Variants in PCDH7 observed in about 807,000 individuals in gnomAD.
PCDH7 encodes the protein protocadherin-7.
PCDH7 carries 17 observed loss-of-function variants against 58.9 expected under a neutral mutation model. The ratio of observed to expected loss-of-function variants is 0.29; its 90% CI spans 0.20 to 0.43. The LOEUF (loss-of-function observed/expected upper bound fraction) is 0.43. Among genes scored for constraint, PCDH7 ranks in the 20% least tolerant of loss-of-function variants. The probability of loss-of-function intolerance (pLI) is 1.00; values close to 1 mark genes in which losing one functional copy is unlikely to be tolerated. For synonymous variants in PCDH7, 664 were observed against 616.4 expected (o/e 1.08, Z -1.14); for missense variants, 1,274 against 1,441.0 (o/e 0.88, Z 1.88).
intron 1 of PCDH7, among the ~76,000 whole-genome samples, chr4:30,834,915 ATATGTG>A (rs1262838256): frequency 1.7e-4 from 26 of 149,996 alleles, no homozygotes; most frequent in African/African-American, 5.5e-4. Flanking sequence ...ATATATATAT[ATATGTG>A]TATATATATA....
chr4:30,965,224 A>C (rs1208104275), intron 3 of PCDH7, among the ~76,000 whole-genome samples: 1 of 152,102 alleles, frequency 6.6e-6, no homozygotes, highest in Non-Finnish European at 1.5e-5. Context: ...AATGTGATAA[A>C]TGTTTTCTTC....
At chr4:30,738,490 T>C (rs1452581565) in intron 1 of PCDH7, among the ~76,000 whole-genome samples, 2 of 152,224 alleles carry the variant, frequency 1.3e-5, no homozygotes, top group African/African-American at 2.4e-5. Flanking sequence ...ATACATTGTT[T>C]AGCTTACTAT....
At chr4:30,882,500 T>C (rs1737115342) in intron 1 of PCDH7, among the ~76,000 whole-genome samples, 1 of 152,084 alleles carries the variant, frequency 6.6e-6, no homozygotes, top group Non-Finnish European at 1.5e-5. Context: ...TTCAAGCCTG[T>C]CTTATCCTCC....
intron 1 of PCDH7, among the ~76,000 whole-genome samples, chr4:30,838,753 A>C (rs980702236): frequency 8.5e-5 from 13 of 152,134 alleles, no homozygotes; most frequent in African/African-American, 2.9e-4. Context: ...TTTCTGTGGC[A>C]GAACAGTGAT....
At chr4:30,803,702 G>A (rs1413237092) in intron 1 of PCDH7, among the ~76,000 whole-genome samples, 1 of 152,210 alleles carries the variant, frequency 6.6e-6, no homozygotes, top group Non-Finnish European at 1.5e-5. Context: ...GTGTCCCAAA[G>A]TGCTGGGATT....
intron 3 of PCDH7, among the ~76,000 whole-genome samples, chr4:30,977,721 A>T (rs1750196533): frequency 6.6e-6 from 1 of 152,128 alleles, no homozygotes; most frequent in Non-Finnish European, 1.5e-5. Flanking sequence ...AGTGTGAGTC[A>T]TGGAGGTTTT....
chr4:30,839,569 G>A (rs1336742118), intron 1 of PCDH7, among the ~76,000 whole-genome samples: 1 of 152,112 alleles, frequency 6.6e-6, no homozygotes, highest in Non-Finnish European at 1.5e-5. Flanking sequence ...TGAGAGAAAT[G>A]TAACACTTAC....
intron 1 of PCDH7, among the ~76,000 whole-genome samples, chr4:30,894,522 CACA>C (rs1739121227): frequency 1.9e-5 from 1 of 51,700 alleles, no homozygotes; most frequent in African/African-American, 1.2e-4. Flanking sequence ...TATATACACA[CACA>C]CACACACACA....
intron 1 of PCDH7, among the ~76,000 whole-genome samples, chr4:30,837,899 TTATA>T (rs5857206): frequency 1.1e-4 from 16 of 146,118 alleles, no homozygotes; most frequent in East Asian, 4.0e-4. Flanking sequence ...TATGTATATT[TTATA>T]TATATATATA....
At chr4:31,121,730 T>G (rs551300721) in intron 3 of PCDH7, among the ~76,000 whole-genome samples, 15 of 152,230 alleles carry the variant, frequency 9.9e-5, no homozygotes, top group South Asian at 4.1e-4. Context: ...TCATAAAAAT[T>G]TATTTGTTTT....
chr4:31,103,134 T>C (rs1231987341), intron 3 of PCDH7, among the ~76,000 whole-genome samples: 1 of 152,234 alleles, frequency 6.6e-6, no homozygotes. Context: ...ACAAGACGTA[T>C]GACTAACTGC....
intron 3 of PCDH7, among the ~76,000 whole-genome samples, chr4:31,102,667 C>G (rs905471044): frequency 6.7e-6 from 1 of 149,354 alleles, no homozygotes; most frequent in African/African-American, 2.5e-5. Flanking sequence ...GAGCAAAACT[C>G]CATCTCAAAA....
intron 3 of PCDH7, among the ~76,000 whole-genome samples, chr4:31,134,385 G>A (rs571861601): frequency 3.9e-5 from 6 of 152,202 alleles, no homozygotes; most frequent in East Asian, 1.9e-4. Context: ...GCTAGAACCC[G>A]GGAGGTGGAG....
chr4:30,726,451 T>C (rs553115134), intron 1 of PCDH7, among the ~76,000 whole-genome samples: 10 of 152,192 alleles, frequency 6.6e-5, no homozygotes, highest in Non-Finnish European at 8.8e-5. Flanking sequence ...ATATGTTCTG[T>C]GCTGTTACTT....
At chr4:30,973,794 T>C (rs1749809590) in intron 3 of PCDH7, among the ~76,000 whole-genome samples, 1 of 151,820 alleles carries the variant, frequency 6.6e-6, no homozygotes, top group Admixed American at 6.6e-5. Flanking sequence ...TTGTAATCTA[T>C]CTCCATTTCG....
At chr4:31,113,192 T>C (rs979225886) in intron 3 of PCDH7, among the ~76,000 whole-genome samples, 2 of 152,200 alleles carry the variant, frequency 1.3e-5, no homozygotes, top group Admixed American at 6.5e-5. Flanking sequence ...AACTGCCTTT[T>C]ATTCCAATGT....
intron 3 of PCDH7, among the ~76,000 whole-genome samples, chr4:30,950,389 T>C (rs1160710550): frequency 2.6e-5 from 4 of 152,318 alleles, no homozygotes; most frequent in African/African-American, 2.4e-5. Flanking sequence ...TAAATCCCTA[T>C]ACAGTGGTAG....
chr4:30,965,038 G>A (rs73214955), intron 3 of PCDH7, among the ~76,000 whole-genome samples: 16 of 152,248 alleles, frequency 1.1e-4, no homozygotes, highest in Admixed American at 2.6e-4. Context: ...GAATCCATAA[G>A]AAATGAATAT....
intron 1 of PCDH7, among the ~76,000 whole-genome samples, chr4:30,820,706 C>T (rs1380058723): frequency 2.0e-5 from 3 of 151,594 alleles, no homozygotes; most frequent in Admixed American, 1.3e-4. Flanking sequence ...TACAGCTAAT[C>T]TAGGAGAAAA....
Sources: allele counts gnomAD v4.1 joint callset (sites outside exome capture counted in the v4.1 genomes callset), GRCh38; gene constraint gnomAD v4.1.1; transcripts MANE v1.5; gene names NCBI Gene and HGNC (gene_info 2026-07-23, HGNC 2026-07-21).